Variants in EPG5 observed in about 807,000 individuals in gnomAD.
The protein encoded by EPG5 is ectopic P granules protein 5 homolog.
Under a neutral mutation model 302.7 loss-of-function variants are expected in EPG5, and 159 were observed. The ratio of observed to expected loss-of-function variants is 0.53; its 90% confidence interval spans 0.46 to 0.60. The LOEUF is 0.60. Among genes scored for constraint, EPG5 ranks in the 20% least tolerant of loss-of-function variants. The probability of loss-of-function intolerance (pLI) is 0.00; values close to 1 mark genes in which losing one functional copy is unlikely to be tolerated. For synonymous variants in EPG5, 1,158 were observed against 1,136.8 expected (o/e 1.02, Z -0.37); for missense variants, 2,896 against 3,092.4 (o/e 0.94, Z 1.51).
At chr18:45,861,574 A>T (rs1192900437) in intron 39 of EPG5, among the ~76,000 whole-genome samples, 1 of 152,172 alleles carries the variant, frequency 6.6e-6, no homozygotes, top group East Asian at 1.9e-4. Flanking sequence ...TATCTGACCA[A>T]CTCTAGAACA....
At position 45,915,586 on chromosome 18, in the gene EPG5, G is replaced by C. The variant is rs2050011270; in HGVS notation, c.3618C>G (p.Leu1206=). The change falls in exon 20 of 44, where the codon CTC becomes CTG. Residue 1206 remains leucine, a synonymous_variant. Transcript: ENST00000282041. ...CCACAATCCAGCTTACCAAAGATGA[G>C]AGCAGACTCCGGTCACAGTGGTAAC... The part of the protein sequence containing the change: ...ALGYHCDRSL[L]SSLVSWIVAG... The C allele has an allele frequency of 6.2e-7, 1 of 1,614,212 alleles. No individual in the cohort carries two copies. The highest frequency in any genetic ancestry group is 8.5e-7 in the Non-Finnish European group (1 of 1,180,036).
chr18:45,927,632 A>ACACACACG, intron 13 of EPG5, among the ~76,000 whole-genome samples: 1 of 151,574 alleles, frequency 6.6e-6, no homozygotes, highest in Non-Finnish European at 1.5e-5. Flanking sequence ...ACACACACAC[A>ACACACACG]CGCACCAAGG....
chr18:45,936,891 C>T (rs1274704379), intron 10 of EPG5, among the ~76,000 whole-genome samples: 5 of 151,544 alleles, frequency 3.3e-5, no homozygotes, highest in African/African-American at 7.3e-5. Context: ...TACAAATAAA[C>T]CAAATTTAAG....
chr18:45,888,182 C>T (rs112364432), intron 28 of EPG5, among the ~76,000 whole-genome samples: 227 of 151,674 alleles, frequency 1.5e-3, no homozygotes, highest in African/African-American at 5.3e-3. Context: ...CTCGGCTCAC[C>T]ACAACCTTCG....
chr18:45,873,609 A>C (rs2048915087), intron 35 of EPG5, among the ~76,000 whole-genome samples: 1 of 152,184 alleles, frequency 6.6e-6, no homozygotes, highest in Admixed American at 6.5e-5. Flanking sequence ...GGATGGTAAA[A>C]AGCAGCTAGA....
chr18:45,931,679 A>G (rs534609790), intron 11 of EPG5, among the ~76,000 whole-genome samples: 8 of 152,226 alleles, frequency 5.3e-5, no homozygotes, highest in Admixed American at 2.0e-4. Context: ...TACTAAAAAT[A>G]CAAAAATTAG....
chr18:45,876,999 G>A (rs1423859880), intron 34 of EPG5, among the ~76,000 whole-genome samples: 1 of 152,062 alleles, frequency 6.6e-6, no homozygotes, highest in Non-Finnish European at 1.5e-5. Flanking sequence ...GGCCAGGTTT[G>A]TCTTGAAGTC....
Position 45,858,654 on chromosome 18 carries a change from G to C in EPG5, c.7138C>G (p.Leu2380Val), listed in dbSNP as rs1477246720. The change falls in exon 41 of 44, where the codon CTT (leucine) becomes GTT (valine). Residue 2380 changes from leucine (L) to valine (V), a missense_variant. Physicochemically the swap from Leu to Val is conservative, Grantham distance 32. Around this residue, in one of 5 missense-constraint regions of EPG5, gnomAD observed 620 missense variants for 704.2 expected, o/e 0.88. Transcript: ENST00000282041. ...GSYLTLYVYLLQCLNSEQTLR... is the reference protein window; with the variant it reads ...GSYLTLYVYLVQCLNSEQTLR... Reference sequence around the variant, plus strand: ...GTCTGTTCGCTGTTTAAACACTGAAGCAAGTAGACGTAAAGAGTCAAGTAA... The same window carrying C: ...GTCTGTTCGCTGTTTAAACACTGAACCAAGTAGACGTAAAGAGTCAAGTAA... The C allele has an allele frequency of 6.2e-7, 1 of 1,614,100 alleles. No homozygotes were observed. Among genetic ancestry groups the C allele is most frequent in the Non-Finnish European group, 8.5e-7 (1 of 1,180,002 alleles).
At chr18:45,816,545 G>T in the EPG5 span, among the ~76,000 whole-genome samples, 1 of 152,110 alleles carries the variant, frequency 6.6e-6, no homozygotes, top group Non-Finnish European at 1.5e-5. Flanking sequence ...CATCACTAAT[G>T]ATCAGGGAAA....
At chr18:45,807,488 C>G in the EPG5 span, among the ~76,000 whole-genome samples, 1 of 152,194 alleles carries the variant, frequency 6.6e-6, no homozygotes, top group Non-Finnish European at 1.5e-5. Context: ...CACCTCCCTG[C>G]CACCTCCACT....
At chr18:45,800,633 G>A in the EPG5 span, among the ~76,000 whole-genome samples, 8 of 152,132 alleles carry the variant, frequency 5.3e-5, no homozygotes, top group Admixed American at 5.2e-4. Context: ...TTGGTTGGAG[G>A]TGCCAGCTCT....
chr18:45,816,866 C>T, the EPG5 span, among the ~76,000 whole-genome samples: 26 of 152,252 alleles, frequency 1.7e-4, no homozygotes, highest in Middle Eastern at 3.4e-3. Context: ...GGAACCAATC[C>T]AAATGCCCAT....
In EPG5 at chr18:45,967,301, G is replaced by C; in HGVS notation, c.-62C>G. 2 of 1,465,670 alleles carry C rather than the reference G, an allele frequency of 1.4e-6. No homozygotes were observed. Among genetic ancestry groups the C allele is most frequent in the African/African-American group, 1.4e-5 (1 of 70,794 alleles). 90.8% of individuals were successfully genotyped at this position (1,465,670 alleles called of 1,614,324 possible). ...CAAACCCCTGCGCTTCAAGCAACCT[G>C]CCCGGTTCTGGCCTCCGGACTGTCA... On this transcript the variant is annotated 5_prime_UTR_variant, in exon 1 of 44. Transcript: ENST00000282041.
chr18:45,962,914 T>C (rs1302586286), intron 1 of EPG5, among the ~76,000 whole-genome samples: 3 of 152,208 alleles, frequency 2.0e-5, no homozygotes, highest in Admixed American at 6.5e-5. Context: ...ACTTTCTAGA[T>C]TGACAAAGAT....
chr18:45,813,748 C>T, the EPG5 span, among the ~76,000 whole-genome samples: 1 of 148,234 alleles, frequency 6.7e-6, no homozygotes, highest in African/African-American at 2.5e-5. Flanking sequence ...GGGAACATCA[C>T]ACACTGGGGC....
chr18:45,854,532 C>G (rs982645780), intron 43 of EPG5, among the ~76,000 whole-genome samples: 1 of 152,296 alleles, frequency 6.6e-6, no homozygotes, highest in Non-Finnish European at 1.5e-5. Flanking sequence ...CTTTCTCTCT[C>G]TCTCTCTCTT....
At chr18:45,952,276 T>C in intron 3 of EPG5, 124 bp downstream of exon 3, 1 of 1,223,692 alleles carries the variant, frequency 8.2e-7, no homozygotes, top group Non-Finnish European at 1.1e-6. Context: ...GGAGGCCTGG[T>C]AAAACTGCAA....
the EPG5 span, chr18:45,825,910 C>G: frequency 9.2e-7 from 1 of 1,090,488 alleles, no homozygotes; most frequent in South Asian, 1.4e-5. Flanking sequence ...GGAGGAAGAG[C>G]TGCGCTTGGG....
chr18:45,842,023 T>C, the EPG5 span: 2 of 1,264,494 alleles, frequency 1.6e-6, no homozygotes, highest in Admixed American at 1.7e-5. Context: ...TCTCCTCTTC[T>C]TGGCCCACTG....
Sources: gnomAD v4.1 joint callset for allele counts (sites outside exome capture counted in the v4.1 genomes callset) on GRCh38, gnomAD v4.1.1 for gene constraint, gnomAD v4.1.1 regional missense constraint, MANE v1.5 for transcripts, NCBI Gene and HGNC (gene_info 2026-07-23, HGNC 2026-07-21) for gene names.